ZDHHC5: variants seen among roughly 807,000 people sequenced by gnomAD.
ZDHHC5 encodes zDHHC palmitoyltransferase 5, also known as palmitoyltransferase ZDHHC5.
Under a neutral mutation model 70.0 loss-of-function variants are expected in ZDHHC5, and 22 were observed. The ratio of observed to expected loss-of-function variants is 0.31; its 90% confidence interval spans 0.22 to 0.45. The LOEUF (loss-of-function observed/expected upper bound fraction) is 0.45, where lower values mean the gene tolerates loss of function less well. Ranked by LOEUF, ZDHHC5 falls within the 20% of genes least tolerant of loss-of-function variation. ZDHHC5 has a pLI of 1.00. For synonymous variants in ZDHHC5, 313 were observed against 347.8 expected, an observed-to-expected ratio of 0.90 and a Z score of 1.11; for missense variants, 746 against 926.9, an observed-to-expected ratio of 0.80 and a Z score of 2.53.
In ZDHHC5 at chr11:57,696,005, C is replaced by T. The variant is rs775626241; in HGVS notation, c.971C>T (p.Thr324Ile). ...PPPKPDLSRYTGLRTHLGLAT... is the reference protein window; with the variant it reads ...PPPKPDLSRYIGLRTHLGLAT... ...CCTAAGCCAGACCTGAGCCGTTACA[C>T]AGGGTTGCGAACACACCTCGGCTTG... The change falls in exon 9 of 12, where the codon ACA (threonine) becomes ATA (isoleucine). Residue 324 changes from threonine to isoleucine, a missense_variant. By Grantham distance (89) the Thr-to-Ile change is moderately conservative (BLOSUM62 -1). Around this residue, in one of 6 missense-constraint regions of ZDHHC5, gnomAD observed 179 missense variants for 178.4 expected, o/e 1.00. Transcript: ENST00000287169. The T allele has an allele frequency of 6.2e-7, 1 of 1,614,102 alleles. No homozygotes were observed. The highest frequency in any genetic ancestry group is 2.2e-5 in the East Asian group (1 of 44,888).
rs1413015609 is a variant in ZDHHC5 at position 57,690,077 on chromosome 11, G to A, written c.431G>A (p.Arg144Gln). 2.5e-6 allele frequency: 4 copies of A among 1,613,922 alleles called. No individual in the cohort carries two copies. Among genetic ancestry groups the A allele is most frequent in the African/African-American group, 1.3e-5 (1 of 74,874 alleles). ...CPWVNNCIGRRNYRYFFLFLL... is the reference protein window; with the variant it reads ...CPWVNNCIGRQNYRYFFLFLL... ...TGGGTGAATAACTGTATTGGTCGCC[G>A]GAACTACCGTTATTTTTTCCTTTTC... The change falls in exon 5 of 12, where the codon CGG becomes CAG. Residue 144 changes from arginine to glutamine, a missense_variant. Transcript: ENST00000287169.
At position 57,698,768 on chromosome 11, in the gene ZDHHC5, A is replaced by G. The variant is rs750598796; in HGVS notation, c.1332A>G (p.Gln444=). 6.2e-7 allele frequency: 1 copy of G among 1,614,004 alleles called. No homozygotes were observed. Among genetic ancestry groups the G allele is most frequent in the Non-Finnish European group, 8.5e-7 (1 of 1,180,024 alleles). Residue 444 remains glutamine (Q), a synonymous_variant, in exon 11 of 12, where the codon CAA becomes CAG. Transcript: ENST00000287169. ...QGTGFELGQL[Q]SIRSEGTTST... ...CAGGCTTTGAGCTGGGCCAGTTGCA[A>G]TCCATTCGTTCAGAGGGCACCACCT... is the stretch of plus-strand genomic sequence containing the variant.
intron 6 of ZDHHC5, among the ~76,000 whole-genome samples, chr11:57,692,126 C>T (rs1354572325): frequency 2.0e-5 from 3 of 152,174 alleles, no homozygotes; most frequent in South Asian, 4.1e-4. Context: ...AAGCAATTCT[C>T]CTGCCTCAGC....
Position 57,672,891 on chromosome 11 carries a change from C to T in ZDHHC5, c.-200C>T, listed in dbSNP as rs550411610. The T allele has an allele frequency of 1.9e-6, 1 of 530,358 alleles. No individual in the cohort carries two copies. The highest frequency in any genetic ancestry group is 3.4e-6 in the Non-Finnish European group (1 of 294,090). 32.9% of individuals were successfully genotyped at this position (530,358 alleles called of 1,614,324 possible). A position where few individuals can be genotyped will look rare whatever the true frequency, so the allele number is the denominator to read the frequency against. On this transcript the variant is annotated 5_prime_UTR_variant, in exon 2 of 12. Transcript: ENST00000287169. Reference sequence around the variant, plus strand: ...TTCATCATTTGGAATCACCTTTCCCCCTCCCATGTGCTTTCCTTCATTTGA... The same window carrying T: ...TTCATCATTTGGAATCACCTTTCCCTCTCCCATGTGCTTTCCTTCATTTGA...
intron 3 of ZDHHC5, among the ~76,000 whole-genome samples, chr11:57,683,374 G>C (rs1037435087): frequency 6.6e-6 from 1 of 152,182 alleles, no homozygotes; most frequent in Non-Finnish European, 1.5e-5. Context: ...TGAATTCAAG[G>C]CTGGATTTAC....
At position 57,696,741 on chromosome 11, in the gene ZDHHC5, CT is replaced by C. The variant is rs759008419; in HGVS notation, c.1010-18del. On this transcript the variant is annotated intron_variant, in intron 9 of 11. Transcript: ENST00000287169. ...AAAACCGCTTGTAAAATAGTGCCCCCTTGGCCTTTTTTCTTGCAGATAGTAG... is the reference window on the plus strand; with the variant it reads ...AAAACCGCTTGTAAAATAGTGCCCCCTGGCCTTTTTTCTTGCAGATAGTAG... The C allele has an allele frequency of 1.6e-5, 25 of 1,610,210 alleles. No individual in the cohort carries two copies. The South Asian group carries it at 2.7e-4, about 18-fold the overall frequency.
At chr11:57,697,828 CAAAAAAAAAAAAAA>C (rs1010913426) in intron 10 of ZDHHC5, among the ~76,000 whole-genome samples, 3 of 28,760 alleles carry the variant, frequency 1.0e-4, no homozygotes, top group African/African-American at 3.9e-4. Flanking sequence ...GACTACACCT[CAAAAAAAAAAAAAA>C]AAAAAAAAAG....
Position 57,699,985 on chromosome 11 carries a change from A to C in ZDHHC5, c.2102A>C (p.Lys701Thr). Reference protein sequence around the residue: ...PLSSPTRGGVKKVSGVGGTTY... With the variant: ...PLSSPTRGGVTKVSGVGGTTY... ...AGTAGCCCCACGAGGGGAGGAGTCA[A>C]GAAGGTGTCAGGGGTTGGTGGTACC... The change falls in exon 12 of 12, where the codon AAG (lysine) becomes ACG (threonine). Residue 701 changes from lysine (K) to threonine (T), a missense_variant. Coordinates refer to ENST00000287169, the MANE Select transcript of ZDHHC5 (RefSeq NM_015457.3). 6.2e-7 allele frequency: 1 copy of C among 1,612,190 alleles called. No individual in the cohort carries two copies.
Position 57,690,195 on chromosome 11 carries a change from G to T in ZDHHC5, c.549G>T (p.Thr183=). 1 of 1,614,042 alleles carries T rather than the reference G, an allele frequency of 6.2e-7. No homozygotes were observed. The highest frequency in any genetic ancestry group is 1.1e-5 in the South Asian group (1 of 91,070). ...YHIEELSGVR[T]AVTMAVMCVA... ...TAGAGGAACTCTCAGGGGTCCGCAC[G>T]GCTGTCACGTATCCTTCAAGGCCTT... Residue 183 remains threonine, a synonymous_variant, in exon 5 of 12, where the codon ACG becomes ACT. Coordinates refer to ENST00000287169, the MANE Select transcript of ZDHHC5 (RefSeq NM_015457.3).
chr11:57,680,577 T>C (rs1946137311), intron 2 of ZDHHC5, among the ~76,000 whole-genome samples: 1 of 152,156 alleles, frequency 6.6e-6, no homozygotes, highest in Admixed American at 6.5e-5. Context: ...GTTCTAAGGA[T>C]TTAATTTCTT....
intron 3 of ZDHHC5, among the ~76,000 whole-genome samples, chr11:57,682,785 T>C (rs1231819288): frequency 2.0e-5 from 3 of 152,248 alleles, no homozygotes; most frequent in Non-Finnish European, 4.4e-5. Flanking sequence ...CTTCTAGTCC[T>C]ATGATTCACT....
rs781589368 is a variant in ZDHHC5, at chr11:57,699,418, A to G, written c.1982A>G (p.Lys661Arg). Residue 661 changes from lysine to arginine, a missense_variant and splice_region_variant, in exon 11 of 12, where the codon AAA (lysine) becomes AGA (arginine). Lys to Arg is a conservative substitution (Grantham distance 26). Coordinates refer to ENST00000287169, the MANE Select transcript of ZDHHC5 (RefSeq NM_015457.3). ...GCCTTGCAGCCATTACTGACACCCA[A>G]GTAAGTATTAGTACTATCCTGACCC... ...EVALQPLLTP[K>R]DEVQLKTTYS... The G allele has an allele frequency of 3.8e-6, 6 of 1,562,564 alleles. No homozygotes were observed. The East Asian group carries it at 1.1e-4, about 29-fold the overall frequency.
chr11:57,696,874 G>A lies in ZDHHC5; in HGVS notation c.1122+1G>A. 1 of 1,613,350 alleles carries A rather than the reference G, an allele frequency of 6.2e-7. No homozygotes were observed. ...CATGCCGCATTCCTCCAGCGCCAAG[G>A]TACTGAGTACTCTAAGAGGTGGGGT... On this transcript the variant is annotated splice_donor_variant, in intron 10 of 11. Coordinates refer to ENST00000287169, the MANE Select transcript of ZDHHC5 (RefSeq NM_015457.3). LOFTEE classifies it high-confidence loss of function.
chr11:57,684,669 A>T (rs537542605), intron 3 of ZDHHC5, among the ~76,000 whole-genome samples: 1 of 151,882 alleles, frequency 6.6e-6, no homozygotes, highest in East Asian at 2.0e-4. Flanking sequence ...CTTGCAGAAG[A>T]AGTAGGCTCT....
At chr11:57,677,676 G>A (rs577638195) in intron 2 of ZDHHC5, among the ~76,000 whole-genome samples, 2 of 152,196 alleles carry the variant, frequency 1.3e-5, no homozygotes, top group African/African-American at 2.4e-5. Context: ...TATAGTTTGC[G>A]GCTTTTCAGT....
intron 3 of ZDHHC5, among the ~76,000 whole-genome samples, chr11:57,686,678 A>T (rs986478110): frequency 2.0e-5 from 3 of 152,198 alleles, no homozygotes; most frequent in African/African-American, 7.2e-5. Context: ...TGTACGAAGT[A>T]CAAAAAAGGC....
intron 2 of ZDHHC5, 122 bp from the exon 3 acceptor site, chr11:57,682,300 C>A: frequency 7.5e-7 from 1 of 1,341,874 alleles, no homozygotes; most frequent in East Asian, 2.6e-5. Context: ...TTTGGGATGG[C>A]AAAGGTAAAC....
At chr11:57,683,491 C>G (rs1317124067) in intron 3 of ZDHHC5, among the ~76,000 whole-genome samples, 1 of 152,090 alleles carries the variant, frequency 6.6e-6, no homozygotes, top group African/African-American at 2.4e-5. Flanking sequence ...AGGTTCATAA[C>G]TGGGAGATAA....
In ZDHHC5 at chr11:57,672,776, G is replaced by T. The variant is rs1590855175; in HGVS notation, c.-315G>T. 1.1e-5 allele frequency: 3 copies of T among 270,770 alleles called. No homozygotes were observed. In the East Asian group the frequency reaches 2.6e-4, roughly 24 times the overall value. 16.8% of individuals were successfully genotyped at this position (270,770 alleles called of 1,614,324 possible). A position where few individuals can be genotyped will look rare whatever the true frequency, so the allele number is the denominator to read the frequency against. On this transcript the variant is annotated 5_prime_UTR_variant, in exon 2 of 12. An upstream start codon of the reference 5' UTR is lost. Transcript: ENST00000287169. ...GTTTTCCACCTGCAACCATTTGCATGTGTACAGCCTACTGTTTGTCTCCAG... is the reference window on the plus strand; with the variant it reads ...GTTTTCCACCTGCAACCATTTGCATTTGTACAGCCTACTGTTTGTCTCCAG...
Sources: gnomAD v4.1 joint callset for allele counts (sites outside exome capture counted in the v4.1 genomes callset) on GRCh38, gnomAD v4.1.1 for gene constraint, gnomAD v4.1.1 regional missense constraint, MANE v1.5 for transcripts, NCBI Gene and HGNC (gene_info 2026-07-23, HGNC 2026-07-21) for gene names.